The following SIK3 variants were observed in gnomAD, a reference collection of about 807,000 sequenced individuals.
SIK3 encodes serine/threonine-protein kinase SIK3.
A neutral mutation model predicts 144.2 loss-of-function variants in SIK3; 28 were observed. That is an observed-to-expected ratio of 0.19 (90% CI 0.14 to 0.27). The LOEUF is 0.27. Among genes scored for constraint, SIK3 ranks in the 10% least tolerant of loss-of-function variants. The pLI, the probability that SIK3 is intolerant of heterozygous loss-of-function variation, is 1.00. For synonymous variants in SIK3, 686 were observed against 676.3 expected (o/e 1.01, Z -0.22); for missense variants, 1,319 against 1,776.0 (o/e 0.74, Z 4.62).
At chr11:116,932,923 A>C (rs746011988) in intron 3 of SIK3, among the ~76,000 whole-genome samples, 10 of 151,652 alleles carry the variant, frequency 6.6e-5, no homozygotes, top group Non-Finnish European at 1.2e-4. Flanking sequence ...TAGGACTACA[A>C]GCATCTGCCA....
intron 1 of SIK3, among the ~76,000 whole-genome samples, chr11:117,052,015 G>A (rs991831284): frequency 7.9e-5 from 12 of 151,982 alleles, no homozygotes; most frequent in African/African-American, 2.9e-4. Context: ...GGTGGCAGGC[G>A]CCTGTAATCC....
chr11:117,056,715 T>A (rs1246288246), intron 1 of SIK3, among the ~76,000 whole-genome samples: 1 of 152,134 alleles, frequency 6.6e-6, no homozygotes, highest in African/African-American at 2.4e-5. Flanking sequence ...TCTGGCCAAC[T>A]CTTACCAACA....
intron 4 of SIK3, among the ~76,000 whole-genome samples, chr11:116,913,631 A>T (rs1213881858): frequency 1.3e-5 from 2 of 152,250 alleles, no homozygotes; most frequent in Admixed American, 6.5e-5. Context: ...ATTCTTAAAA[A>T]CATTAATGAG....
intron 3 of SIK3, among the ~76,000 whole-genome samples, chr11:116,946,312 T>G (rs1456878481): frequency 6.6e-6 from 1 of 152,146 alleles, no homozygotes; most frequent in East Asian, 1.9e-4. Context: ...CACAATTACA[T>G]GGGTGATGGC....
chr11:116,964,014 A>G (rs1220477335), intron 1 of SIK3, among the ~76,000 whole-genome samples: 1 of 152,120 alleles, frequency 6.6e-6, no homozygotes, highest in Non-Finnish European at 1.5e-5. Context: ...TAGGCTGGCC[A>G]CATTCTTGGG....
chr11:116,913,159 T>C (rs1946434399), intron 4 of SIK3, among the ~76,000 whole-genome samples: 2 of 152,122 alleles, frequency 1.3e-5, no homozygotes, highest in South Asian at 2.1e-4. Context: ...AAAACAGATA[T>C]TGGGAAGTCC....
At chr11:116,946,523 T>A (rs957441392) in intron 3 of SIK3, among the ~76,000 whole-genome samples, 8 of 152,182 alleles carry the variant, frequency 5.3e-5, no homozygotes, top group Admixed American at 4.6e-4. Context: ...TAGGGAATCT[T>A]TCACACTGGG....
At chr11:116,896,439 T>C in intron 5 of SIK3, 63 bp from the exon 6 acceptor site, 2 of 1,567,054 alleles carry the variant, frequency 1.3e-6, no homozygotes, top group Admixed American at 3.5e-5. Context: ...AAGACTACTG[T>C]AGTGTGTGTA....
intron 6 of SIK3, among the ~76,000 whole-genome samples, chr11:116,894,373 C>A (rs1375810327): frequency 6.6e-6 from 1 of 152,178 alleles, no homozygotes; most frequent in Non-Finnish European, 1.5e-5. Context: ...ATGCGACTGC[C>A]AATTCATATC....
intron 1 of SIK3, among the ~76,000 whole-genome samples, chr11:116,964,552 A>G (rs1591438733): frequency 6.6e-6 from 1 of 152,124 alleles, no homozygotes; most frequent in Admixed American, 6.6e-5. Flanking sequence ...AGCTTTCAAT[A>G]AACTCCACAG....
intron 8 of SIK3, 43 bp from the exon 9 acceptor site, chr11:116,876,052 T>C (rs979112687): frequency 6.2e-7 from 1 of 1,609,354 alleles, no homozygotes; most frequent in Non-Finnish European, 8.5e-7. Context: ...CCTGGTGAAA[T>C]GGCATGTTGA....
chr11:116,860,236 T>G (rs1591395042), intron 19 of SIK3, among the ~76,000 whole-genome samples: 1 of 145,912 alleles, frequency 6.9e-6, no homozygotes, highest in Non-Finnish European at 1.5e-5. Flanking sequence ...AGGGGGAGAC[T>G]CCATCTCAAA....
At chr11:116,865,736 G>A (rs1399492597) in intron 15 of SIK3, among the ~76,000 whole-genome samples, 1 of 152,072 alleles carries the variant, frequency 6.6e-6, no homozygotes, top group African/African-American at 2.4e-5. Flanking sequence ...TATATATACT[G>A]TTCTTTAATC....
At chr11:117,095,775 A>G (rs1055739403) in intron 1 of SIK3, among the ~76,000 whole-genome samples, 3 of 152,232 alleles carry the variant, frequency 2.0e-5, no homozygotes, top group Non-Finnish European at 2.9e-5. Context: ...TTTAAGCAGC[A>G]AAAGATATAG....
rs533629651 is a variant in SIK3 at position 116,844,619 on chromosome 11, ATATATATATAATATATTATATTATATAT to A, written c.*996_*1023del. The stretch of plus-strand genomic sequence containing the variant: ...ATTTTATATATATATTATATATATA[ATATATATATAATATATTATATTATATAT>A]TATATATATAATATATATATACACA... On this transcript the variant is annotated 3_prime_UTR_variant, in exon 25 of 25. Transcript: ENST00000445177. 4 of 40,450 alleles carry A rather than the reference ATATATATATAATATATTATATTATATAT, an allele frequency of 9.9e-5. No individual in the cohort carries two copies. Among genetic ancestry groups the A allele is most frequent in the Non-Finnish European group, 1.9e-4 (4 of 20,954 alleles). The allele number at this position is 40,450 out of a possible 1,614,324, so 2.5% of individuals were successfully genotyped here.
chr11:116,868,569 G>C (rs950009356), intron 14 of SIK3, among the ~76,000 whole-genome samples: 13 of 152,132 alleles, frequency 8.5e-5, no homozygotes, highest in African/African-American at 3.1e-4. Context: ...CTTCACTACA[G>C]GTCACAGAAA....
intron 4 of SIK3, among the ~76,000 whole-genome samples, chr11:116,923,396 T>C (rs1271921824): frequency 1.3e-5 from 2 of 152,224 alleles, no homozygotes; most frequent in African/African-American, 2.4e-5. Flanking sequence ...TCGTTACCTA[T>C]CTGACCTTAT....
At chr11:116,913,270 T>C (rs1591306135) in intron 4 of SIK3, among the ~76,000 whole-genome samples, 1 of 151,846 alleles carries the variant, frequency 6.6e-6, no homozygotes, top group African/African-American at 2.4e-5. Context: ...TTAGCATATA[T>C]ACACAAGAGA....
At chr11:117,036,589 G>A (rs1032172899) in intron 1 of SIK3, among the ~76,000 whole-genome samples, 5 of 152,162 alleles carry the variant, frequency 3.3e-5, no homozygotes, top group Admixed American at 3.3e-4. Flanking sequence ...CAGAATTTTA[G>A]ACTTTTCTCC....
Sources: allele counts gnomAD v4.1 joint callset (sites outside exome capture counted in the v4.1 genomes callset), GRCh38; gene constraint gnomAD v4.1.1; transcripts MANE v1.5; gene names NCBI Gene and HGNC (gene_info 2026-07-23, HGNC 2026-07-21).